The following SEMA5A variants were observed in gnomAD, a reference collection of about 807,000 sequenced individuals.
SEMA5A encodes the protein semaphorin 5A, also known as semaphorin-5A.
A neutral mutation model predicts 135.5 loss-of-function variants in SEMA5A; 55 were observed. The observed-to-expected ratio is 0.41, with a 90% CI of 0.33 to 0.51. SEMA5A has a LOEUF of 0.51. Among genes scored for constraint, SEMA5A ranks in the 20% least tolerant of loss-of-function variants. The pLI, the probability that SEMA5A is intolerant of heterozygous loss-of-function variation, is 0.37. For synonymous variants in SEMA5A, 580 were observed against 546.5 expected (o/e 1.06, Z -0.85); for missense variants, 1,290 against 1,419.9 (o/e 0.91, Z 1.47).
At chr5:9,543,270 T>A (rs1229817421) in intron 1 of SEMA5A, among the ~76,000 whole-genome samples, 2 of 152,220 alleles carry the variant, frequency 1.3e-5, no homozygotes, top group African/African-American at 4.8e-5. Context: ...AGAAGGCCCA[T>A]GACTCTAAAA....
intron 5 of SEMA5A, among the ~76,000 whole-genome samples, chr5:9,273,351 A>T (rs1456847750): frequency 6.6e-6 from 1 of 152,140 alleles, no homozygotes; most frequent in Admixed American, 6.5e-5. Context: ...AAAAGACTAA[A>T]TCTATGTTTG....
chr5:9,207,851 T>TGATA (rs55679317), intron 8 of SEMA5A, among the ~76,000 whole-genome samples: 13,561 of 145,900 alleles, frequency 0.093, 657 homozygotes, highest in Middle Eastern at 0.14. Context: ...AGACAGATGA[T>TGATA]GATAGATAGA....
intron 2 of SEMA5A, among the ~76,000 whole-genome samples, chr5:9,417,032 A>G (rs1757305724): frequency 6.6e-6 from 1 of 152,272 alleles, no homozygotes; most frequent in Admixed American, 6.5e-5. Flanking sequence ...AGCTGCTAAA[A>G]TAGGGAGCCT....
At chr5:9,540,122 G>T (rs1302634424) in intron 1 of SEMA5A, among the ~76,000 whole-genome samples, 1 of 151,978 alleles carries the variant, frequency 6.6e-6, no homozygotes, top group Non-Finnish European at 1.5e-5. Context: ...GGCATTTTTT[G>T]ATTCGGTCAC....
intron 8 of SEMA5A, among the ~76,000 whole-genome samples, chr5:9,206,419 C>T (rs891276462): frequency 2.0e-5 from 3 of 151,822 alleles, no homozygotes; most frequent in East Asian, 3.9e-4. Flanking sequence ...ATAGGACTAC[C>T]GAGAAGTGAC....
intron 5 of SEMA5A, among the ~76,000 whole-genome samples, chr5:9,270,603 G>A (rs1008568715): frequency 2.0e-5 from 3 of 151,948 alleles, no homozygotes; most frequent in East Asian, 1.9e-4. Flanking sequence ...TTCACTTTGG[G>A]AGCACATTCT....
chr5:9,226,328 C>G (rs16882243), intron 7 of SEMA5A, among the ~76,000 whole-genome samples: 1,729 of 152,252 alleles, frequency 0.011, 21 homozygotes, highest in African/African-American at 0.039. Flanking sequence ...ATGGTGTGTG[C>G]AGCTGAAAAT....
chr5:9,108,199 C>T lies in SEMA5A; in HGVS notation c.2014G>A (p.Gly672Ser), dbSNP rs1311987648. 2 of 1,614,164 alleles carry T rather than the reference C, an allele frequency of 1.2e-6. No homozygotes were observed. Among genetic ancestry groups the T allele is most frequent in the South Asian group, 1.1e-5 (1 of 91,080 alleles). The change falls in exon 16 of 23, where the codon GGC becomes AGC. Residue 672 changes from glycine (G) to serine (S), a missense_variant. Gly to Ser is a moderately conservative substitution (Grantham distance 56). Coordinates refer to ENST00000382496, the MANE Select transcript of SEMA5A (RefSeq NM_003966.3). ...WERCTAQCGG[G>S]IQARRRICEN... is the part of the protein sequence containing the mutation. ...CAGATCCTGCGGCGAGCTTGAATGC[C>T]ACCCCCGCATTGGGCTGTGCACCGT...
intron 11 of SEMA5A, among the ~76,000 whole-genome samples, chr5:9,168,255 C>G (rs1156755506): frequency 6.6e-6 from 1 of 152,130 alleles, no homozygotes; most frequent in East Asian, 1.9e-4. Flanking sequence ...ATCCCTGAGA[C>G]CGTGATTTGG....
intron 1 of SEMA5A, among the ~76,000 whole-genome samples, chr5:9,438,808 G>A (rs1330151202): frequency 6.6e-6 from 1 of 152,190 alleles, no homozygotes; most frequent in East Asian, 1.9e-4. Context: ...GTCCCTCTAG[G>A]CAGTGATTCC....
chr5:9,478,416 C>T (rs2126771975), intron 1 of SEMA5A, among the ~76,000 whole-genome samples: 1 of 152,270 alleles, frequency 6.6e-6, no homozygotes, highest in African/African-American at 2.4e-5. Context: ...GCACTGTGCA[C>T]CTGGAAAAGC....
chr5:9,183,407 T>C (rs1372722362), intron 11 of SEMA5A, among the ~76,000 whole-genome samples: 3 of 152,136 alleles, frequency 2.0e-5, no homozygotes, highest in Non-Finnish European at 2.9e-5. Flanking sequence ...AGCACCTGCT[T>C]GAGAAGCCAT....
chr5:9,541,622 T>A (rs556029730), intron 1 of SEMA5A, among the ~76,000 whole-genome samples: 132 of 152,362 alleles, frequency 8.7e-4, no homozygotes, highest in African/African-American at 3.0e-3. Flanking sequence ...TGTCACTACA[T>A]TTTAAAATGT....
At chr5:9,477,590 C>A (rs1759716732) in intron 1 of SEMA5A, among the ~76,000 whole-genome samples, 2 of 152,170 alleles carry the variant, frequency 1.3e-5, no homozygotes, top group Admixed American at 1.3e-4. Context: ...AGCAAAGAGA[C>A]TGGTGGCATT....
intron 3 of SEMA5A, among the ~76,000 whole-genome samples, chr5:9,341,674 T>TA (rs975557445): frequency 0.053 from 1,209 of 22,798 alleles, 9 homozygotes; most frequent in Non-Finnish European, 0.11. Context: ...ATAATATATA[T>TA]TATATATATA....
chr5:9,206,674 G>C (rs1746036410), intron 8 of SEMA5A, among the ~76,000 whole-genome samples: 1 of 151,794 alleles, frequency 6.6e-6, no homozygotes, highest in Non-Finnish European at 1.5e-5. Context: ...AATATTAAAG[G>C]CACAAAGGAA....
At chr5:9,266,410 T>C (rs1197468559) in intron 5 of SEMA5A, among the ~76,000 whole-genome samples, 1 of 152,180 alleles carries the variant, frequency 6.6e-6, no homozygotes, top group African/African-American at 2.4e-5. Context: ...TTCGTGACAA[T>C]CTTTAGAGGG....
intron 16 of SEMA5A, among the ~76,000 whole-genome samples, chr5:9,077,266 C>T (rs536505587): frequency 6.6e-6 from 1 of 152,252 alleles, no homozygotes; most frequent in Non-Finnish European, 1.5e-5. Context: ...CAAATAAACA[C>T]CCAGTGCATG....
At chr5:9,412,789 A>G (rs535647641) in intron 2 of SEMA5A, among the ~76,000 whole-genome samples, 1 of 152,182 alleles carries the variant, frequency 6.6e-6, no homozygotes, top group Non-Finnish European at 1.5e-5. Flanking sequence ...ACTACAATCC[A>G]TCAAATGAGA....
Sources: gnomAD v4.1 joint callset for allele counts (sites outside exome capture counted in the v4.1 genomes callset) on GRCh38, gnomAD v4.1.1 for gene constraint, MANE v1.5 for transcripts, NCBI Gene and HGNC (gene_info 2026-07-23, HGNC 2026-07-21) for gene names.